Variants in WDFY3 observed in about 807,000 individuals in gnomAD.
WDFY3 encodes the protein WD repeat and FYVE domain-containing protein 3.
WDFY3 carries 66 observed loss-of-function variants against 409.6 expected under a neutral mutation model. The observed-to-expected ratio is 0.16, with a 90% CI of 0.13 to 0.20. The LOEUF is 0.20. Ranked by LOEUF, WDFY3 falls within the 10% of genes least tolerant of loss-of-function variation. The pLI is 1.00. For missense variants in WDFY3, 3,031 were observed against 4,298.1 expected (o/e 0.71, Z 8.24); for synonymous variants, 1,521 against 1,537.1 (o/e 0.99, Z 0.25).
intron 58 of WDFY3, among the ~76,000 whole-genome samples, chr4:84,695,523 G>T (rs962868077): frequency 3.3e-5 from 5 of 150,148 alleles, no homozygotes; most frequent in African/African-American, 1.2e-4. Flanking sequence ...GAGAGAGAGA[G>T]AGAGAGAGAG....
chr4:84,888,195 A>G (rs1764475413), intron 3 of WDFY3, among the ~76,000 whole-genome samples: 1 of 152,216 alleles, frequency 6.6e-6, no homozygotes, highest in Admixed American at 6.5e-5. Flanking sequence ...TATTCAGAAT[A>G]TTAAGGAAAT....
intron 46 of WDFY3, 59 bp downstream of exon 46, chr4:84,724,367 A>G (rs1187962176): frequency 6.5e-7 from 1 of 1,538,154 alleles, no homozygotes; most frequent in East Asian, 2.3e-5. Flanking sequence ...TTTTGTATGA[A>G]TTCAAATACA....
chr4:84,690,789 G>C, intron 60 of WDFY3, 125 bp from the exon 61 acceptor site: 2 of 1,185,640 alleles, frequency 1.7e-6, no homozygotes, highest in Non-Finnish European at 2.3e-6. Context: ...CATGTTCTGA[G>C]CTAGCTTTAG....
intron 63 of WDFY3, among the ~76,000 whole-genome samples, chr4:84,683,449 C>G (rs917424628): frequency 6.6e-6 from 1 of 152,212 alleles, no homozygotes; most frequent in African/African-American, 2.4e-5. Context: ...CCTCTATTTT[C>G]TGTAGAGTCC....
intron 5 of WDFY3, chr4:84,844,464 G>A: frequency 7.8e-7 from 1 of 1,289,620 alleles, no homozygotes; most frequent in South Asian, 1.2e-5. Flanking sequence ...ACCTGAAGGT[G>A]TTGTGGCTTT....
chr4:84,832,540 G>A (rs565642448), intron 7 of WDFY3, among the ~76,000 whole-genome samples: 3 of 152,132 alleles, frequency 2.0e-5, no homozygotes, highest in South Asian at 4.1e-4. Flanking sequence ...ATATATATAC[G>A]CTAGTTACCC....
At position 84,929,395 on chromosome 4, in the gene WDFY3, AAC is replaced by A. The variant is rs373917927; in HGVS notation, c.-132+2873_-132+2874del. 1.1e-4 allele frequency among the ~76,000 whole-genome samples: 17 copies of A among 152,230 alleles called. No homozygotes were observed. In the East Asian group the frequency reaches 2.1e-3, roughly 19 times the overall value. ...TGCACTCAGATTCCCGATCAACAAA[AAC>A]AGATAATGTTTGCAGTTTTAATCTG... On this transcript the variant is annotated intron_variant, in intron 2 of 67. Coordinates refer to ENST00000295888, the MANE Select transcript of WDFY3 (RefSeq NM_014991.6).
At chr4:84,962,266 G>A (rs1164597302) in intron 1 of WDFY3, among the ~76,000 whole-genome samples, 1 of 152,132 alleles carries the variant, frequency 6.6e-6, no homozygotes, top group African/African-American at 2.4e-5. Context: ...CTATAAATCA[G>A]AGATTCTTTT....
chr4:84,708,533 G>GTT (rs994931199), intron 53 of WDFY3, among the ~76,000 whole-genome samples: 9 of 144,402 alleles, frequency 6.2e-5, no homozygotes, highest in African/African-American at 7.6e-5. Context: ...GGCAACCGTA[G>GTT]TTTTTTTTTT....
intron 2 of WDFY3, among the ~76,000 whole-genome samples, chr4:84,929,883 C>T (rs1273641043): frequency 6.6e-6 from 1 of 151,740 alleles, no homozygotes; most frequent in Non-Finnish European, 1.5e-5. Context: ...TGCACTCCAG[C>T]CTGGGCAACA....
intron 32 of WDFY3, among the ~76,000 whole-genome samples, chr4:84,762,483 G>A (rs1742824011): frequency 8.3e-6 from 1 of 120,838 alleles, no homozygotes; most frequent in Non-Finnish European, 1.7e-5. Flanking sequence ...GGAGGGGGGA[G>A]GGATAGCATT....
chr4:84,952,078 C>T (rs1773683904), intron 1 of WDFY3, among the ~76,000 whole-genome samples: 1 of 152,104 alleles, frequency 6.6e-6, no homozygotes. Flanking sequence ...CAATGCAGTA[C>T]AACTTTTCCC....
chr4:84,794,405 T>C, intron 21 of WDFY3, 114 bp downstream of exon 21: 2 of 1,046,384 alleles, frequency 1.9e-6, no homozygotes, highest in Admixed American at 2.6e-5. Flanking sequence ...ACTTGTTCTA[T>C]GCTATAATAA....
intron 1 of WDFY3, among the ~76,000 whole-genome samples, chr4:84,963,696 A>G (rs1022693192): frequency 1.3e-5 from 2 of 152,192 alleles, no homozygotes; most frequent in African/African-American, 4.8e-5. Flanking sequence ...TCAATTACTT[A>G]TTTTAACATC....
chr4:84,821,927 C>T (rs1381285761), intron 10 of WDFY3, among the ~76,000 whole-genome samples: 1 of 152,090 alleles, frequency 6.6e-6, no homozygotes, highest in East Asian at 1.9e-4. Flanking sequence ...TTTAAAAAGA[C>T]TTTGAGGCTG....
At chr4:84,763,554 A>C (rs576597864) in intron 32 of WDFY3, among the ~76,000 whole-genome samples, 105 of 152,270 alleles carry the variant, frequency 6.9e-4, no homozygotes, top group Non-Finnish European at 1.4e-3. Flanking sequence ...AAATTTTAAA[A>C]AATCTATTTT....
chr4:84,670,161 A>T lies in WDFY3; in HGVS notation c.*2707T>A, dbSNP rs1269911865. 6.6e-6 allele frequency: 1 copy of T among 152,668 alleles called. No individual in the cohort carries two copies. The highest frequency in any genetic ancestry group is 1.5e-5 in the Non-Finnish European group (1 of 68,048). 9.5% of individuals were successfully genotyped at this position (152,668 alleles called of 1,614,324 possible). On this transcript the variant is annotated 3_prime_UTR_variant, in exon 68 of 68. Transcript: ENST00000295888. ...CTATTCTCTTCTTCAAAAGCATGAC[A>T]TTAGAGTTGCACACTACATAGAAAT...
intron 11 of WDFY3, 74 bp downstream of exon 11, chr4:84,821,010 T>A: frequency 7.5e-7 from 1 of 1,337,702 alleles, no homozygotes; most frequent in Non-Finnish European, 1.0e-6. Context: ...AACCAAAGAA[T>A]GGGAACAAGA....
At chr4:84,898,595 T>A (rs929925357) in intron 2 of WDFY3, among the ~76,000 whole-genome samples, 31 of 152,308 alleles carry the variant, frequency 2.0e-4, no homozygotes, top group African/African-American at 7.2e-4. Context: ...TCCTGGGGCT[T>A]CACTGCTTTT....
Sources: allele counts gnomAD v4.1 joint callset (sites outside exome capture counted in the v4.1 genomes callset), GRCh38; gene constraint gnomAD v4.1.1; transcripts MANE v1.5; gene names NCBI Gene and HGNC (gene_info 2026-07-23, HGNC 2026-07-21).